The following SPOCK1 variants were observed in gnomAD, a reference collection of about 807,000 sequenced individuals.
The protein encoded by SPOCK1 is testican-1.
SPOCK1 carries 23 observed loss-of-function variants against 55.3 expected under a neutral mutation model. That is an observed-to-expected ratio of 0.42 (90% CI 0.30 to 0.59). The LOEUF is 0.59. SPOCK1 is among the 20% of genes least tolerant of loss of function. SPOCK1 has a pLI of 0.22. For synonymous variants in SPOCK1, 226 were observed against 221.0 expected (o/e 1.02, Z -0.20); for missense variants, 499 against 552.5 (o/e 0.90, Z 0.97).
chr5:137,127,249 G>C (rs1162037699), intron 4 of SPOCK1, among the ~76,000 whole-genome samples: 1 of 152,252 alleles, frequency 6.6e-6, no homozygotes, highest in African/African-American at 2.4e-5. Context: ...CACAGGCCCA[G>C]AGTACAAGAG....
intron 5 of SPOCK1, among the ~76,000 whole-genome samples, chr5:137,100,473 C>A (rs1013261062): frequency 6.6e-5 from 10 of 152,142 alleles, no homozygotes; most frequent in African/African-American, 1.9e-4. Context: ...ATTAGAGACA[C>A]CTTTGGGGCA....
At chr5:137,374,851 T>C (rs1751277517) in intron 2 of SPOCK1, among the ~76,000 whole-genome samples, 1 of 152,100 alleles carries the variant, frequency 6.6e-6, no homozygotes, top group South Asian at 2.1e-4. Flanking sequence ...TCCAAGAATG[T>C]ACAGCAAGGA....
chr5:137,290,370 T>A (rs1283494712), intron 2 of SPOCK1, among the ~76,000 whole-genome samples: 1 of 151,314 alleles, frequency 6.6e-6, no homozygotes, highest in Non-Finnish European at 1.5e-5. Flanking sequence ...CATCTATCCA[T>A]CTATATAAAG....
intron 3 of SPOCK1, among the ~76,000 whole-genome samples, chr5:137,245,136 T>A (rs188083609): frequency 4.6e-4 from 70 of 152,298 alleles, no homozygotes; most frequent in African/African-American, 1.7e-3. Context: ...TTAGTGAACA[T>A]GACCACGTGT....
At chr5:137,230,012 A>G (rs975411734) in intron 3 of SPOCK1, among the ~76,000 whole-genome samples, 2 of 151,800 alleles carry the variant, frequency 1.3e-5, no homozygotes, top group African/African-American at 2.4e-5. Flanking sequence ...TTGGCCAATG[A>G]AGGAAAGGCA....
intron 2 of SPOCK1, among the ~76,000 whole-genome samples, chr5:137,279,918 C>A (rs1757136650): frequency 6.6e-6 from 1 of 152,196 alleles, no homozygotes; most frequent in African/African-American, 2.4e-5. Context: ...TCTTTCCCTC[C>A]TAAAGAGACA....
intron 3 of SPOCK1, among the ~76,000 whole-genome samples, chr5:137,184,560 C>T (rs1755029838): frequency 6.6e-6 from 1 of 152,134 alleles, no homozygotes; most frequent in Non-Finnish European, 1.5e-5. Context: ...TGCAGAGTTT[C>T]AAGTAAAATA....
intron 3 of SPOCK1, among the ~76,000 whole-genome samples, chr5:137,222,993 G>A (rs1755884972): frequency 1.3e-5 from 2 of 151,998 alleles, no homozygotes; most frequent in African/African-American, 4.8e-5. Context: ...TCTTAGGGAA[G>A]TGATAATGAA....
At chr5:137,360,525 T>C (rs1001265991) in intron 2 of SPOCK1, among the ~76,000 whole-genome samples, 3 of 152,206 alleles carry the variant, frequency 2.0e-5, no homozygotes, top group Non-Finnish European at 4.4e-5. Context: ...TCTGGAACAT[T>C]GCCTCCTATT....
intron 2 of SPOCK1, among the ~76,000 whole-genome samples, chr5:137,305,457 T>C (rs752210149): frequency 1.3e-5 from 2 of 152,202 alleles, no homozygotes; most frequent in African/African-American, 2.4e-5. Context: ...TGCCAGAGGT[T>C]AAGACTTATT....
intron 2 of SPOCK1, among the ~76,000 whole-genome samples, chr5:137,414,539 GCT>G (rs1339211876): frequency 3.3e-5 from 5 of 152,128 alleles, no homozygotes; most frequent in Admixed American, 1.3e-4. Context: ...AGGAATGCTT[GCT>G]CTGTTTACAT....
chr5:137,070,134 C>T (rs905351219), intron 5 of SPOCK1, among the ~76,000 whole-genome samples: 3 of 152,210 alleles, frequency 2.0e-5, no homozygotes, highest in African/African-American at 7.2e-5. Flanking sequence ...TCACTGGTTT[C>T]ATCACCTCTG....
chr5:137,012,546 G>A (rs1751371010), intron 6 of SPOCK1, among the ~76,000 whole-genome samples: 1 of 152,132 alleles, frequency 6.6e-6, no homozygotes, highest in South Asian at 2.1e-4. Context: ...GCTTGGGGAA[G>A]TGACATAACC....
intron 5 of SPOCK1, among the ~76,000 whole-genome samples, chr5:137,108,089 C>A (rs1381678888): frequency 6.6e-6 from 1 of 152,198 alleles, no homozygotes; most frequent in Admixed American, 6.5e-5. Context: ...AAGTCATTTG[C>A]TCCTTTACAG....
chr5:137,148,835 A>G (rs1426866030), intron 3 of SPOCK1, among the ~76,000 whole-genome samples: 1 of 152,214 alleles, frequency 6.6e-6, no homozygotes, highest in East Asian at 1.9e-4. Flanking sequence ...TCTCACACCA[A>G]GGCTGATACT....
At chr5:137,263,100 C>T (rs1756779955) in intron 3 of SPOCK1, among the ~76,000 whole-genome samples, 2 of 152,172 alleles carry the variant, frequency 1.3e-5, no homozygotes, top group African/African-American at 4.8e-5. Flanking sequence ...CCCTAAGACC[C>T]CAGACTGCAC....
chr5:137,173,485 A>G (rs1414375418), intron 3 of SPOCK1, among the ~76,000 whole-genome samples: 1 of 152,166 alleles, frequency 6.6e-6, no homozygotes, highest in Non-Finnish European at 1.5e-5. Context: ...CTGTGATCCA[A>G]TTGCTATTCC....
chr5:137,312,998 C>G (rs547663943), intron 2 of SPOCK1, among the ~76,000 whole-genome samples: 1 of 152,250 alleles, frequency 6.6e-6, no homozygotes, highest in East Asian at 1.9e-4. Context: ...ACATGAATCC[C>G]AACCAGGAGT....
chr5:137,359,544 A>T (rs1472002724), intron 2 of SPOCK1, among the ~76,000 whole-genome samples: 2 of 152,216 alleles, frequency 1.3e-5, no homozygotes, highest in East Asian at 3.8e-4. Flanking sequence ...CTCTAATTTA[A>T]TCCTAACAGC....
Sources: allele counts gnomAD v4.1 joint callset (sites outside exome capture counted in the v4.1 genomes callset), GRCh38; gene constraint gnomAD v4.1.1; transcripts MANE v1.5; gene names NCBI Gene and HGNC (gene_info 2026-07-23, HGNC 2026-07-21).